PROS1: variants seen among roughly 807,000 people sequenced by gnomAD.
The protein encoded by PROS1 is protein S.
Under a neutral mutation model 75.9 loss-of-function variants are expected in PROS1, and 29 were observed. That is an observed-to-expected ratio of 0.38 (90% CI 0.28 to 0.52). The LOEUF is 0.52. Among genes scored for constraint, PROS1 ranks in the 20% least tolerant of loss-of-function variants. The pLI is 0.83. For missense variants in PROS1, 680 were observed against 810.3 expected (o/e 0.84, Z 1.95); for synonymous variants, 245 against 280.6 (o/e 0.87, Z 1.27).
Position 93,921,825 on chromosome 3 carries a change from C to A in PROS1, c.259+2415G>T, listed in dbSNP as rs34586708. On this transcript the variant is annotated intron_variant, in intron 3 of 14. Coordinates refer to ENST00000394236, the MANE Select transcript of PROS1 (RefSeq NM_000313.4). ...CCAGATGTCAGTCTCACTTACTAAC[C>A]TTTTCAAAGAATGAGAATGTGCTTT... 5.1e-3 allele frequency among the ~76,000 whole-genome samples: 779 copies of A among 152,192 alleles called. 4 individuals are homozygous for A. The highest frequency in any genetic ancestry group is 9.5e-3 in the Non-Finnish European group (645 of 68,010).
At chr3:93,913,188 T>C (rs1708785942) in intron 3 of PROS1, among the ~76,000 whole-genome samples, 1 of 152,210 alleles carries the variant, frequency 6.6e-6, no homozygotes, top group Non-Finnish European at 1.5e-5. Flanking sequence ...TCCTTCTGCA[T>C]TCGTTCTCCT....
intron 9 of PROS1, among the ~76,000 whole-genome samples, chr3:93,895,615 C>A (rs2107153718): frequency 6.6e-6 from 1 of 152,248 alleles, no homozygotes; most frequent in South Asian, 2.1e-4. Context: ...ACTGTATAAT[C>A]TGTCTCAAGT....
chr3:93,884,854 T>C lies in PROS1; in HGVS notation c.1366A>G (p.Met456Val). The change falls in exon 12 of 15, where the codon ATG (methionine) becomes GTG (valine). Residue 456 changes from methionine to valine, a missense_variant. Transcript: ENST00000394236. ...LDGCIRSWNL[M>V]KQGASGIKEI... ...TTTATTCCAGAAGCTCCTTGCTTCA[T>C]CAAATTCCAGCTTCGTATACATCCA... 6.2e-7 allele frequency: 1 copy of C among 1,613,362 alleles called. No homozygotes were observed. Among genetic ancestry groups the C allele is most frequent in the Non-Finnish European group, 8.5e-7 (1 of 1,179,688 alleles).
intron 1 of PROS1, among the ~76,000 whole-genome samples, chr3:93,966,609 A>T (rs1366095164): frequency 1.3e-5 from 2 of 152,120 alleles, no homozygotes; most frequent in Admixed American, 1.3e-4. Context: ...AAGAAGGCAG[A>T]TCACCACACC....
At chr3:93,918,287 G>C (rs1240516302) in intron 3 of PROS1, among the ~76,000 whole-genome samples, 2 of 152,084 alleles carry the variant, frequency 1.3e-5, no homozygotes, top group Non-Finnish European at 2.9e-5. Flanking sequence ...TGTCAAAACA[G>C]ACCACTCGCT....
Position 93,874,398 on chromosome 3 carries a change from T to C in PROS1, c.1878A>G (p.Pro626=). 1 of 1,613,328 alleles carries C rather than the reference T, an allele frequency of 6.2e-7. No homozygotes were observed. Residue 626 remains proline, a synonymous_variant, in exon 15 of 15, where the codon CCA becomes CCG. Coordinates refer to ENST00000394236, the MANE Select transcript of PROS1 (RefSeq NM_000313.4). ...ATYLGGLPDV[P]FSATPVNAFY... ...AGGCATTCACTGGTGTGGCACTGAATGGAACATCTGTAAAAGGAAAATATT... is the reference window on the plus strand; with the variant it reads ...AGGCATTCACTGGTGTGGCACTGAACGGAACATCTGTAAAAGGAAAATATT...
At chr3:93,920,549 A>G (rs1708931849) in intron 3 of PROS1, among the ~76,000 whole-genome samples, 1 of 152,064 alleles carries the variant, frequency 6.6e-6, no homozygotes, top group African/African-American at 2.4e-5. Context: ...ATGTGTTCCT[A>G]TATTTTGTCT....
intron 1 of PROS1, among the ~76,000 whole-genome samples, chr3:93,958,094 AT>A (rs1345210509): frequency 6.6e-6 from 1 of 152,028 alleles, no homozygotes. Context: ...TCTCAAAAAA[AT>A]AATAATAATA....
chr3:93,883,607 AAAAG>A (rs1228416274), intron 12 of PROS1, among the ~76,000 whole-genome samples: 1 of 151,658 alleles, frequency 6.6e-6, no homozygotes, highest in African/African-American at 2.4e-5. Context: ...AAAAAAGAAA[AAAAG>A]AAAGAAAAGA....
In PROS1 at chr3:93,957,264, G is replaced by A. The variant is rs144832394; in HGVS notation, c.76+16410C>T. On this transcript the variant is annotated intron_variant, in intron 1 of 14. Coordinates refer to ENST00000394236, the MANE Select transcript of PROS1 (RefSeq NM_000313.4). ...AAAATTATATAGAGCACAATTCCAT[G>A]TATTTTCATTTCTAAGAATATATAT... Among the ~76,000 whole-genome samples, 10 of 152,206 alleles carry A rather than the reference G, an allele frequency of 6.6e-5. No individual in the cohort carries two copies. In the East Asian group the frequency reaches 1.5e-3, roughly 23 times the overall value.
chr3:93,963,858 A>G (rs1709745521), intron 1 of PROS1, among the ~76,000 whole-genome samples: 1 of 151,926 alleles, frequency 6.6e-6, no homozygotes, highest in Non-Finnish European at 1.5e-5. Flanking sequence ...ACCTCCTACA[A>G]TGGAGGTGCC....
intron 3 of PROS1, among the ~76,000 whole-genome samples, chr3:93,921,040 T>C (rs911817467): frequency 6.6e-6 from 1 of 152,174 alleles, no homozygotes; most frequent in African/African-American, 2.4e-5. Context: ...GCTTTTTCTG[T>C]ATGAACTGAG....
chr3:93,964,919 T>A (rs1259725707), intron 1 of PROS1, among the ~76,000 whole-genome samples: 3 of 152,182 alleles, frequency 2.0e-5, no homozygotes, highest in Admixed American at 2.0e-4. Context: ...AGGTTCGGAT[T>A]TCCTAGGCCA....
intron 1 of PROS1, among the ~76,000 whole-genome samples, chr3:93,933,938 G>A (rs1404725944): frequency 6.6e-6 from 1 of 151,524 alleles, no homozygotes; most frequent in East Asian, 1.9e-4. Flanking sequence ...GAACCCAGGA[G>A]GCGGAGGGTG....
chr3:93,931,155 T>A (rs1448976504), intron 1 of PROS1, among the ~76,000 whole-genome samples: 1 of 152,178 alleles, frequency 6.6e-6, no homozygotes, highest in East Asian at 1.9e-4. Context: ...AGAATTATCA[T>A]CCCTATTTTC....
chr3:93,953,090 G>A (rs1231568033), intron 1 of PROS1, among the ~76,000 whole-genome samples: 1 of 152,052 alleles, frequency 6.6e-6, no homozygotes. Flanking sequence ...ATAATGAATA[G>A]CCTACCAACC....
chr3:93,943,420 A>G (rs1188980432), intron 1 of PROS1, among the ~76,000 whole-genome samples: 1 of 150,494 alleles, frequency 6.6e-6, no homozygotes, highest in Non-Finnish European at 1.5e-5. Flanking sequence ...CAATTCATAC[A>G]AAACTGTATC....
At chr3:93,962,683 C>G (rs1423287923) in intron 1 of PROS1, among the ~76,000 whole-genome samples, 3 of 152,154 alleles carry the variant, frequency 2.0e-5, no homozygotes, top group Non-Finnish European at 4.4e-5. Flanking sequence ...CTAAAACCAT[C>G]TAACTATAGG....
At chr3:93,906,712 G>A (rs925145509) in intron 4 of PROS1, among the ~76,000 whole-genome samples, 1 of 152,222 alleles carries the variant, frequency 6.6e-6, no homozygotes, top group Non-Finnish European at 1.5e-5. Context: ...GGGCATCTCT[G>A]TACTCTTGAG....
Sources: gnomAD v4.1 joint callset for allele counts (sites outside exome capture counted in the v4.1 genomes callset) on GRCh38, gnomAD v4.1.1 for gene constraint, MANE v1.5 for transcripts, NCBI Gene and HGNC (gene_info 2026-07-23, HGNC 2026-07-21) for gene names.